SUSD6: variants seen among roughly 807,000 people sequenced by gnomAD.
SUSD6 encodes the protein sushi domain-containing protein 6.
SUSD6 carries 16 observed loss-of-function variants against 28.4 expected under a neutral mutation model. That is an observed-to-expected ratio of 0.56 (90% CI 0.38 to 0.86). The LOEUF is 0.86. Among genes scored for constraint, SUSD6 ranks in the 40% least tolerant of loss-of-function variants. The probability of loss-of-function intolerance (pLI) is 0.00; values close to 1 mark genes in which losing one functional copy is unlikely to be tolerated. For missense variants in SUSD6, 341 were observed against 384.2 expected, an observed-to-expected ratio of 0.89 and a Z score of 0.94; for synonymous variants, 147 against 159.6, an observed-to-expected ratio of 0.92 and a Z score of 0.59.
intron 2 of SUSD6, among the ~76,000 whole-genome samples, chr14:69,697,999 G>C (rs1349989652): frequency 6.6e-6 from 1 of 152,214 alleles, no homozygotes; most frequent in African/African-American, 2.4e-5. Context: ...ATAATTTAGG[G>C]AAGTCCATAG....
At position 69,703,602 on chromosome 14, in the gene SUSD6, G is replaced by A. The variant is rs74060288; in HGVS notation, c.319+10G>A. 3.9e-3 allele frequency: 6,269 copies of A among 1,613,586 alleles called. 217 individuals are homozygous for A. The African/African-American group carries it at 0.075, about 19-fold the overall frequency. ...TGCCGTCTCAACGAGGGTCAGTCTG[G>A]CAGATGAAAAAGGGATGCTGCTGGG... On this transcript the variant is annotated intron_variant, in intron 3 of 5. Transcript: ENST00000342745.
chr14:69,640,491 C>T (rs1042033017), intron 1 of SUSD6, among the ~76,000 whole-genome samples: 2 of 152,084 alleles, frequency 1.3e-5, no homozygotes, highest in African/African-American at 4.8e-5. Flanking sequence ...CACACCACCA[C>T]ACCTGGCTGA....
chr14:69,626,125 A>G (rs573261099), intron 1 of SUSD6, among the ~76,000 whole-genome samples: 5 of 152,276 alleles, frequency 3.3e-5, no homozygotes, highest in Admixed American at 2.0e-4. Context: ...GGGGAAAAAA[A>G]GCCCTGAGTG....
chr14:69,705,944 G>A (rs1279124888), intron 4 of SUSD6, among the ~76,000 whole-genome samples: 1 of 152,138 alleles, frequency 6.6e-6, no homozygotes, highest in Non-Finnish European at 1.5e-5. Flanking sequence ...TCCCTCTTGA[G>A]GAGTAACATT....
intron 1 of SUSD6, among the ~76,000 whole-genome samples, chr14:69,617,808 T>C (rs941185934): frequency 6.6e-6 from 1 of 152,018 alleles, no homozygotes; most frequent in South Asian, 2.1e-4. Flanking sequence ...TTCTGCTAGG[T>C]TGGGGAGTGG....
intron 2 of SUSD6, among the ~76,000 whole-genome samples, chr14:69,683,430 G>A (rs1886027537): frequency 6.6e-6 from 1 of 152,188 alleles, no homozygotes; most frequent in Non-Finnish European, 1.5e-5. Flanking sequence ...CTACTAGATT[G>A]TGGAGACATA....
intron 2 of SUSD6, among the ~76,000 whole-genome samples, chr14:69,665,442 G>A (rs1236594013): frequency 6.6e-6 from 1 of 152,144 alleles, no homozygotes; most frequent in Non-Finnish European, 1.5e-5. Context: ...TTGTAGAGAT[G>A]GGTTTTGCTG....
At chr14:69,670,674 G>C (rs1243623917) in intron 2 of SUSD6, among the ~76,000 whole-genome samples, 1 of 152,234 alleles carries the variant, frequency 6.6e-6, no homozygotes, top group Non-Finnish European at 1.5e-5. Context: ...TGTAAAATTG[G>C]GATGATAACG....
chr14:69,620,756 T>C (rs1885024623), intron 1 of SUSD6, among the ~76,000 whole-genome samples: 1 of 152,250 alleles, frequency 6.6e-6, no homozygotes, highest in Non-Finnish European at 1.5e-5. Flanking sequence ...TGAGGATTCC[T>C]GTTTCTTGCT....
intron 1 of SUSD6, among the ~76,000 whole-genome samples, chr14:69,649,939 C>T (rs1885479451): frequency 6.6e-6 from 1 of 152,176 alleles, no homozygotes; most frequent in Non-Finnish European, 1.5e-5. Context: ...GGGGCTAATT[C>T]CACCTATTTA....
chr14:69,644,285 G>A (rs137909513), intron 1 of SUSD6, among the ~76,000 whole-genome samples: 28 of 152,268 alleles, frequency 1.8e-4, no homozygotes, highest in African/African-American at 6.5e-4. Context: ...ATTAATTTAT[G>A]ATGTTTCTTC....
intron 2 of SUSD6, among the ~76,000 whole-genome samples, chr14:69,700,718 T>C (rs928245061): frequency 6.6e-6 from 1 of 152,208 alleles, no homozygotes; most frequent in South Asian, 2.1e-4. Flanking sequence ...TCCTCTCTTG[T>C]GGCACAAATC....
At chr14:69,687,525 C>T (rs980565113) in intron 2 of SUSD6, among the ~76,000 whole-genome samples, 6 of 152,204 alleles carry the variant, frequency 3.9e-5, no homozygotes, top group African/African-American at 1.4e-4. Flanking sequence ...GAGAAAACCA[C>T]CAAAAAATAA....
chr14:69,630,641 C>T (rs1360602065), intron 1 of SUSD6, among the ~76,000 whole-genome samples: 1 of 151,518 alleles, frequency 6.6e-6, no homozygotes, highest in African/African-American at 2.4e-5. Context: ...ACCCAGGCAG[C>T]GTGCTTCATG....
intron 1 of SUSD6, among the ~76,000 whole-genome samples, chr14:69,621,135 G>A (rs927696861): frequency 6.6e-6 from 1 of 152,152 alleles, no homozygotes; most frequent in African/African-American, 2.4e-5. Flanking sequence ...CCTGAGGTTG[G>A]TGACTGTCTG....
At chr14:69,680,087 C>CT (rs770016359) in intron 2 of SUSD6, among the ~76,000 whole-genome samples, 115 of 152,172 alleles carry the variant, frequency 7.6e-4, no homozygotes, top group Non-Finnish European at 1.3e-3. Flanking sequence ...TCAGCAGTCT[C>CT]TCCTTAAGAA....
chr14:69,655,373 G>T (rs1379394231), intron 1 of SUSD6, among the ~76,000 whole-genome samples: 4 of 152,048 alleles, frequency 2.6e-5, no homozygotes, highest in Admixed American at 6.6e-5. Context: ...AACAATACAT[G>T]AATATCTTTC....
intron 2 of SUSD6, among the ~76,000 whole-genome samples, chr14:69,690,683 G>T (rs140264725): frequency 1.3e-5 from 2 of 152,202 alleles, no homozygotes. Flanking sequence ...TGCTTTTCCC[G>T]TGGTGGTCAT....
chr14:69,711,190 C>G lies in SUSD6; in HGVS notation c.*211C>G. On this transcript the variant is annotated 3_prime_UTR_variant, in exon 6 of 6. Coordinates refer to ENST00000342745, the MANE Select transcript of SUSD6 (RefSeq NM_014734.4). ...TCTGCCTGTTGGACAGCTGGAGGAG[C>G]TGGCTCTTTGCCTGGCCCCGCCTTC... 1.7e-6 allele frequency: 1 copy of G among 586,506 alleles called. No homozygotes were observed. Among genetic ancestry groups the G allele is most frequent in the South Asian group, 2.1e-5 (1 of 48,614 alleles). 36.3% of individuals were successfully genotyped at this position (586,506 alleles called of 1,614,324 possible). A position where few individuals can be genotyped will look rare whatever the true frequency, so the allele number is the denominator to read the frequency against.
Sources: gnomAD v4.1 joint callset for allele counts (sites outside exome capture counted in the v4.1 genomes callset) on GRCh38, gnomAD v4.1.1 for gene constraint, MANE v1.5 for transcripts, NCBI Gene and HGNC (gene_info 2026-07-23, HGNC 2026-07-21) for gene names.